FBXL5: variants seen among roughly 807,000 people sequenced by gnomAD.
FBXL5 encodes the protein F-box and leucine rich repeat protein 5, also known as F-box/LRR-repeat protein 5.
Under a neutral mutation model 78.3 loss-of-function variants are expected in FBXL5, and 26 were observed. That is an observed-to-expected ratio of 0.33 (90% CI 0.24 to 0.46). The LOEUF is 0.46. Ranked by LOEUF, FBXL5 falls within the 20% of genes least tolerant of loss-of-function variation. The pLI is 1.00. For missense variants in FBXL5, 710 were observed against 829.2 expected, an observed-to-expected ratio of 0.86 and a Z score of 1.77; for synonymous variants, 295 against 282.5, an observed-to-expected ratio of 1.04 and a Z score of -0.45.
At position 15,632,787 on chromosome 4, in the gene FBXL5, A is replaced by C. The variant is rs184317468; in HGVS notation, c.767-1996T>G. Among the ~76,000 whole-genome samples, 107 of 152,334 alleles carry C rather than the reference A, an allele frequency of 7.0e-4. 1 individual carries two copies. The highest frequency in any genetic ancestry group is 2.5e-3 in the African/African-American group (105 of 41,570). On this transcript the variant is annotated intron_variant, in intron 5 of 10. Coordinates refer to ENST00000341285, the MANE Select transcript of FBXL5 (RefSeq NM_012161.4). ...TGAGACTTTGCTGAAGTTGCTTATC[A>C]GCTTAAGGAGATTTGGGGCTGAGAT...
intron 9 of FBXL5, among the ~76,000 whole-genome samples, chr4:15,614,812 G>A (rs898363780): frequency 9.9e-5 from 15 of 152,132 alleles, no homozygotes; most frequent in East Asian, 1.9e-4. Flanking sequence ...CCACTTTGGC[G>A]GCATTTGAGG....
upstream of FBXL5, among the ~76,000 whole-genome samples, chr4:15,663,748 T>C (rs949347172): frequency 6.6e-6 from 1 of 152,162 alleles, no homozygotes; most frequent in Non-Finnish European, 1.5e-5. Context: ...CAACAAACAC[T>C]AGGTGACTAT....
intron 1 of FBXL5, among the ~76,000 whole-genome samples, chr4:15,653,865 T>A (rs1226023804): frequency 2.0e-5 from 3 of 152,200 alleles, no homozygotes; most frequent in African/African-American, 7.2e-5. Context: ...ATACCTGATG[T>A]CTGGGTGAAA....
At chr4:15,609,032 C>G (rs925840721) in intron 10 of FBXL5, among the ~76,000 whole-genome samples, 1 of 152,024 alleles carries the variant, frequency 6.6e-6, no homozygotes, top group Non-Finnish European at 1.5e-5. Flanking sequence ...AAATGGACAA[C>G]AGAATAAATG....
chr4:15,640,715 G>T, intron 3 of FBXL5, 73 bp downstream of exon 3: 1 of 756,760 alleles, frequency 1.3e-6, no homozygotes. Flanking sequence ...GCATTATTTT[G>T]AAGAGTCTCT....
chr4:15,650,532 AC>A (rs1715874586), intron 1 of FBXL5, among the ~76,000 whole-genome samples: 1 of 152,178 alleles, frequency 6.6e-6, no homozygotes. Context: ...GTTCCTAGTG[AC>A]CTATAAAGTT....
At chr4:15,664,583 G>C (rs1717456335), upstream of FBXL5, among the ~76,000 whole-genome samples, 1 of 109,660 alleles carries the variant, frequency 9.1e-6, no homozygotes, top group Non-Finnish European at 1.8e-5. Flanking sequence ...TTGAGACGGA[G>C]TTTCACTCTT....
chr4:15,638,489 T>TTA lies in FBXL5; in HGVS notation c.583+17_583+18dup, dbSNP rs747275823. 1.3e-6 allele frequency: 2 copies of TTA among 1,545,146 alleles called. No individual in the cohort carries two copies. The highest frequency in any genetic ancestry group is 1.7e-6 in the Non-Finnish European group (2 of 1,146,352). ...GACCTTACAACTAATAAATTGTTCTTTATATATATGAATCTCACCTTTATC... is the reference window on the plus strand; with the variant it reads ...GACCTTACAACTAATAAATTGTTCTTTATATATATATGAATCTCACCTTTATC... On this transcript the variant is annotated intron_variant, in intron 4 of 10. Transcript: ENST00000341285.
At chr4:15,648,708 G>C (rs1016427771) in intron 1 of FBXL5, among the ~76,000 whole-genome samples, 9 of 152,174 alleles carry the variant, frequency 5.9e-5, no homozygotes, top group Admixed American at 6.6e-5. Context: ...TGTTGGGGCA[G>C]GGGATGGAGA....
intron 1 of FBXL5, among the ~76,000 whole-genome samples, chr4:15,665,209 T>C (rs1194272888): frequency 6.6e-6 from 1 of 152,154 alleles, no homozygotes; most frequent in Admixed American, 6.5e-5. Flanking sequence ...TTGTGACATA[T>C]TGTTAAAAGG....
intron 1 of FBXL5, among the ~76,000 whole-genome samples, chr4:15,677,430 G>A (rs745796852): frequency 1.3e-5 from 2 of 152,086 alleles, no homozygotes; most frequent in Non-Finnish European, 2.9e-5. Context: ...AGATAGAGAG[G>A]GACCCTAGGT....
At chr4:15,629,764 T>C (rs1713433032) in intron 6 of FBXL5, among the ~76,000 whole-genome samples, 1 of 152,168 alleles carries the variant, frequency 6.6e-6, no homozygotes, top group Non-Finnish European at 1.5e-5. Flanking sequence ...TAAACTACTT[T>C]AGCTGCTGAT....
chr4:15,646,541 A>AT (rs202149517), intron 1 of FBXL5, among the ~76,000 whole-genome samples: 7 of 148,672 alleles, frequency 4.7e-5, no homozygotes, highest in African/African-American at 1.2e-4. Context: ...AATGCTAAAT[A>AT]TTTTTTATTA....
In FBXL5 at chr4:15,681,463, G is replaced by A. The variant is rs529014701; in HGVS notation, c.-364C>T. The A allele has an allele frequency of 4.1e-5, 7 of 168,676 alleles. No individual in the cohort carries two copies. In the South Asian group the frequency reaches 1.2e-3, roughly 29 times the overall value. The allele number at this position is 168,676 out of a possible 1,614,324, so 10.4% of individuals were successfully genotyped here. On this transcript the variant is annotated 5_prime_UTR_variant, in exon 1 of 5. Transcript: ENST00000507899. ...CGCAGCAGTCTCTTTTCGCTCCCAT[G>A]GCTCTGGGACTCTGTCCGGACTAGC...
At chr4:15,659,805 G>A (rs908677003), upstream of FBXL5, 30 of 879,700 alleles carry the variant, frequency 3.4e-5, no homozygotes, top group Admixed American at 6.2e-5. Context: ...TCTATTATGG[G>A]CTGACTTGTA....
chr4:15,638,771 T>A, intron 3 of FBXL5, 77 bp from the exon 4 acceptor site: 2 of 903,878 alleles, frequency 2.2e-6, no homozygotes, highest in Admixed American at 5.9e-5. Flanking sequence ...AAATTATTAA[T>A]GGCTCGAATG....
intron 1 of FBXL5, among the ~76,000 whole-genome samples, chr4:15,680,116 G>T (rs1457278368): frequency 1.3e-5 from 2 of 149,536 alleles, no homozygotes; most frequent in East Asian, 3.9e-4. Context: ...CAGTAAAACA[G>T]GAAAAAAAAA....
chr4:15,642,464 G>A (rs1714983150), intron 2 of FBXL5, among the ~76,000 whole-genome samples: 1 of 151,982 alleles, frequency 6.6e-6, no homozygotes, highest in African/African-American at 2.4e-5. Flanking sequence ...TCGAACTCCT[G>A]ACCTCAAGTG....
chr4:15,650,661 C>CTTTTTTTTTTTTTTTTTTTTTTTTTT (rs34334098), intron 1 of FBXL5, among the ~76,000 whole-genome samples: 1 of 77,884 alleles, frequency 1.3e-5, no homozygotes, highest in Non-Finnish European at 2.4e-5. Context: ...AACTGACTTT[C>CTTTTTTTTTTTTTTTTTTTTTTTTTT]TTTTTTTTTT....
Sources: gnomAD v4.1 joint callset for allele counts (sites outside exome capture counted in the v4.1 genomes callset) on GRCh38, gnomAD v4.1.1 for gene constraint, MANE v1.5 for transcripts, NCBI Gene and HGNC (gene_info 2026-07-23, HGNC 2026-07-21) for gene names.